CARS1: variants seen among roughly 807,000 people sequenced by gnomAD.
CARS1 encodes the protein cysteinyl-tRNA synthetase 1.
CARS1 carries 48 observed loss-of-function variants against 106.2 expected under a neutral mutation model. The observed-to-expected ratio is 0.45, with a 90% CI of 0.36 to 0.57. CARS1 has a LOEUF of 0.57. Ranked by LOEUF, CARS1 falls within the 20% of genes least tolerant of loss-of-function variation. CARS1 has a pLI of 0.00. For missense variants in CARS1, 968 were observed against 1,057.2 expected (o/e 0.92, Z 1.17); for synonymous variants, 409 against 403.4 (o/e 1.01, Z -0.17).
chr11:3,056,014 G>A (rs1190615345), intron 1 of CARS1, among the ~76,000 whole-genome samples: 1 of 152,198 alleles, frequency 6.6e-6, no homozygotes, highest in East Asian at 1.9e-4. Flanking sequence ...GGGCCGCTTG[G>A]CTCTGGGACG....
rs753911734 is a variant in CARS1, at chr11:3,018,394, G to A, written c.1629+14C>T. The stretch of plus-strand genomic sequence containing the variant: ...GCTGCTCCACCAACCTCCAGGAAGG[G>A]GCTGGGGACTCACATTCAAGAACTT... On this transcript the variant is annotated intron_variant, in intron 14 of 22. Coordinates refer to ENST00000380525, the MANE Select transcript of CARS1 (RefSeq NM_001014437.3). 1.9e-5 allele frequency: 30 copies of A among 1,585,370 alleles called. No individual in the cohort carries two copies. Among genetic ancestry groups the A allele is most frequent in the Non-Finnish European group, 2.5e-5 (29 of 1,154,698 alleles).
At position 3,042,165 on chromosome 11, in the gene CARS1, C is replaced by T. The variant is rs1467429331; in HGVS notation, c.366G>A (p.Lys122=). ...LHLYNSLTRN[K]EVFIPQDGKK... ...GCCACGGCATCTGTGTTCTCCTTACCTTGTTCCTGGTGAGGCTGTTGTAAA... is the reference window on the plus strand; with the variant it reads ...GCCACGGCATCTGTGTTCTCCTTACTTTGTTCCTGGTGAGGCTGTTGTAAA... The change falls in exon 3 of 23, where the codon AAG becomes AAA. Residue 122 remains lysine, a splice_region_variant and synonymous_variant. Transcript: ENST00000380525. 1 of 1,613,198 alleles carries T rather than the reference C, an allele frequency of 6.2e-7. No homozygotes were observed. Among genetic ancestry groups the T allele is most frequent in the Non-Finnish European group, 8.5e-7 (1 of 1,179,238 alleles).
At chr11:3,013,710 G>T (rs1160510962) in intron 17 of CARS1, among the ~76,000 whole-genome samples, 1 of 152,000 alleles carries the variant, frequency 6.6e-6, no homozygotes, top group Non-Finnish European at 1.5e-5. Context: ...AAAATTAGCC[G>T]GGCATGGTGG....
At position 3,030,894 on chromosome 11, in the gene CARS1, T is replaced by C. The variant is rs1191899286; in HGVS notation, c.802-1451A>G. ...CCATCCTACTGAGTGACTGTTTCAC[T>C]TCCTGTCTGAAGGAGAATTTGTGAA... On this transcript the variant is annotated intron_variant, in intron 7 of 22. Coordinates refer to ENST00000380525, the MANE Select transcript of CARS1 (RefSeq NM_001014437.3). This position sits in a 1 kb window ranked among gnomAD's most constrained non-coding sequence, Gnocchi z 5.7. The C allele has an allele frequency of 4.6e-5, 7 of 152,226 alleles. No individual in the cohort carries two copies. The highest frequency in any genetic ancestry group is 1.0e-4 in the Non-Finnish European group (7 of 68,048). 9.4% of individuals were successfully genotyped at this position (152,226 alleles called of 1,614,324 possible).
In CARS1 at chr11:3,037,704, G is replaced by A. The variant is rs959577344; in HGVS notation, c.801+346C>T. Among the ~76,000 whole-genome samples, 11 of 152,190 alleles carry A rather than the reference G, an allele frequency of 7.2e-5. No individual in the cohort carries two copies. The highest frequency in any genetic ancestry group is 2.7e-4 in the African/African-American group (11 of 41,448). ...CTCCTCCTTCTCCAGCTGGTGTGGGGAGAGTCCGCTGGAGAATCTTGGAAC... is the reference window on the plus strand; with the variant it reads ...CTCCTCCTTCTCCAGCTGGTGTGGGAAGAGTCCGCTGGAGAATCTTGGAAC... On this transcript the variant is annotated intron_variant, in intron 7 of 22. Transcript: ENST00000380525. The surrounding 1 kb of genome is among the most constrained non-coding windows in gnomAD (Gnocchi z 5.9).
Position 3,008,056 on chromosome 11 carries a change from T to A in CARS1, c.2069-1097A>T, listed in dbSNP as rs1850070886. ...AACTTTCTGCTCTGAAATCTGACCT[T>A]GGGTTTGCTGGAATCACCACACCCT... On this transcript the variant is annotated intron_variant, in intron 18 of 22. Transcript: ENST00000380525. The surrounding 1 kb of genome is among the most constrained non-coding windows in gnomAD (Gnocchi z 5.1). 1 of 152,382 alleles carries A rather than the reference T, an allele frequency of 6.6e-6. No homozygotes were observed. The highest frequency in any genetic ancestry group is 2.1e-4 in the South Asian group (1 of 4,826). 9.4% of individuals were successfully genotyped at this position (152,382 alleles called of 1,614,324 possible).
chr11:3,002,762 G>A (rs978088064), intron 20 of CARS1, among the ~76,000 whole-genome samples, 162 bp from the exon 21 acceptor site: 55 of 152,162 alleles, frequency 3.6e-4, no homozygotes, highest in Admixed American at 2.6e-4. Flanking sequence ...CCCATGTGCC[G>A]GGCAGCACAC....
At chr11:3,018,259 T>C (rs527978953) in intron 14 of CARS1, 149 bp downstream of exon 14, 1 of 635,508 alleles carries the variant, frequency 1.6e-6, no homozygotes, top group Admixed American at 2.8e-5. Context: ...CCGAGCCTGT[T>C]ATACCCACTA....
Position 3,052,543 on chromosome 11 carries a change from G to A in CARS1, c.26-4542C>T, listed in dbSNP as rs981992128. On this transcript the variant is annotated intron_variant, in intron 1 of 22. Coordinates refer to ENST00000380525, the MANE Select transcript of CARS1 (RefSeq NM_001014437.3). The surrounding 1 kb of genome is among the most constrained non-coding windows in gnomAD (Gnocchi z 4.6). ...TTATTACCAAATCTGCCTTGATCTT[G>A]GATCACATAATTCTTAAATGTACCG... is the stretch of plus-strand genomic sequence containing the variant. Among the ~76,000 whole-genome samples, 2 of 151,994 alleles carry A rather than the reference G, an allele frequency of 1.3e-5. No homozygotes were observed. Among genetic ancestry groups the A allele is most frequent in the African/African-American group, 4.8e-5 (2 of 41,344 alleles).
intron 1 of CARS1, among the ~76,000 whole-genome samples, chr11:3,054,374 C>A (rs1204045441): frequency 6.6e-6 from 1 of 152,218 alleles, no homozygotes; most frequent in African/African-American, 2.4e-5. Flanking sequence ...CCCAGAGCAC[C>A]CACACTGGAA....
chr11:3,014,440 T>A (rs1038880785), intron 17 of CARS1, among the ~76,000 whole-genome samples: 1 of 152,218 alleles, frequency 6.6e-6, no homozygotes, highest in Non-Finnish European at 1.5e-5. Flanking sequence ...ATCAGCTGAC[T>A]GCAAAGGCCA....
rs555138992 is a variant in CARS1 at position 3,050,942 on chromosome 11, C to T, written c.26-2941G>A. On this transcript the variant is annotated intron_variant, in intron 1 of 22. Transcript: ENST00000380525. The surrounding 1 kb of genome is among the most constrained non-coding windows in gnomAD (Gnocchi z 6.3). ...CGCTCCATCTACCTTATTCACTGCT[C>T]GATCTTCAGCATCTACAACTGAGCG... is the stretch of plus-strand genomic sequence containing the variant. Among the ~76,000 whole-genome samples the T allele has an allele frequency of 1.2e-4, 18 of 152,356 alleles. No homozygotes were observed. Among genetic ancestry groups the T allele is most frequent in the Middle Eastern group, 3.4e-3 (1 of 294 alleles).
chr11:3,029,234 C>A lies in CARS1; in HGVS notation c.942+69G>T. On this transcript the variant is annotated intron_variant, in intron 8 of 22. Transcript: ENST00000380525. This position sits in a 1 kb window ranked among gnomAD's most constrained non-coding sequence, Gnocchi z 5.9. The stretch of plus-strand genomic sequence containing the variant: ...GGCCGCTTAATTGAGCTGGCCTTGC[C>A]AAAACAGGAATTTAGAAATCAGGGC... 1 of 1,578,806 alleles carries A rather than the reference C, an allele frequency of 6.3e-7. No individual in the cohort carries two copies. Among genetic ancestry groups the A allele is most frequent in the Non-Finnish European group, 8.7e-7 (1 of 1,150,802 alleles).
intron 10 of CARS1, among the ~76,000 whole-genome samples, chr11:3,025,181 A>T (rs1378859638): frequency 6.6e-6 from 1 of 152,154 alleles, no homozygotes; most frequent in Admixed American, 6.6e-5. Context: ...TTTATGTGTC[A>T]ACCTGGCTAT....
At chr11:3,056,606 T>C (rs1478094622) in intron 1 of CARS1, among the ~76,000 whole-genome samples, 1 of 152,184 alleles carries the variant, frequency 6.6e-6, no homozygotes, top group African/African-American at 2.4e-5. Flanking sequence ...AAAGCCTTCG[T>C]AAAGCCCCAA....
chr11:3,041,153 G>T lies in CARS1; in HGVS notation c.367-169C>A. On this transcript the variant is annotated intron_variant, in intron 3 of 22. Coordinates refer to ENST00000380525, the MANE Select transcript of CARS1 (RefSeq NM_001014437.3). This position sits in a 1 kb window ranked among gnomAD's most constrained non-coding sequence, Gnocchi z 4.9. Reference sequence around the variant, plus strand: ...GTCACAGTCTCAGTGGGAGCCCAGTGAGATGTACGGCACCTCCCACCAACT... The same window carrying T: ...GTCACAGTCTCAGTGGGAGCCCAGTTAGATGTACGGCACCTCCCACCAACT... The T allele has an allele frequency of 1.9e-6, 2 of 1,050,804 alleles. No homozygotes were observed. The highest frequency in any genetic ancestry group is 1.4e-6 in the Non-Finnish European group (1 of 735,414). 65.1% of individuals were successfully genotyped at this position (1,050,804 alleles called of 1,614,324 possible).
intron 17 of CARS1, among the ~76,000 whole-genome samples, chr11:3,014,871 C>T (rs935364508): frequency 6.6e-6 from 1 of 152,244 alleles, no homozygotes; most frequent in Non-Finnish European, 1.5e-5. Flanking sequence ...GCTCTTCACA[C>T]CACTTGTCAT....
Position 3,041,726 on chromosome 11 carries a change from T to A in CARS1, c.366+439A>T, listed in dbSNP as rs1854480729. 6.6e-6 allele frequency among the ~76,000 whole-genome samples: 1 copy of A among 152,174 alleles called. No homozygotes were observed. The highest frequency in any genetic ancestry group is 1.5e-5 in the Non-Finnish European group (1 of 68,034). On this transcript the variant is annotated intron_variant, in intron 3 of 22. Coordinates refer to ENST00000380525, the MANE Select transcript of CARS1 (RefSeq NM_001014437.3). The surrounding 1 kb of genome is among the most constrained non-coding windows in gnomAD (Gnocchi z 4.9). The stretch of plus-strand genomic sequence containing the variant: ...CAAACCCCATTCTGTTAGGAACCAA[T>A]CCTGCCTTCTTCTCAAAACCTGCTG...
At chr11:3,042,429 T>TC in intron 2 of CARS1, 173 bp from the exon 3 acceptor site, 2 of 563,100 alleles carry the variant, frequency 3.6e-6, no homozygotes, top group Non-Finnish European at 6.3e-6. Context: ...GACAACTGCG[T>TC]CTTTTTTTTT....
Sources: gnomAD v4.1 joint callset for allele counts (sites outside exome capture counted in the v4.1 genomes callset) on GRCh38, gnomAD v4.1.1 for gene constraint, Gnocchi (gnomAD v3.1) non-coding constraint, MANE v1.5 for transcripts, NCBI Gene and HGNC (gene_info 2026-07-23, HGNC 2026-07-21) for gene names.